Variants in ARHGAP32 observed in about 807,000 individuals in gnomAD.
The protein encoded by ARHGAP32 is Rho GTPase activating protein 32.
ARHGAP32 carries 51 observed loss-of-function variants against 186.5 expected under a neutral mutation model. That is an observed-to-expected ratio of 0.27 (90% confidence interval 0.22 to 0.35). ARHGAP32 has a LOEUF of 0.35. ARHGAP32 is among the 10% of genes least tolerant of loss of function. ARHGAP32 has a pLI of 1.00. For missense variants in ARHGAP32, 2,186 were observed against 2,623.5 expected (o/e 0.83, Z 3.64); for synonymous variants, 950 against 964.3 (o/e 0.99, Z 0.27).
chr11:128,991,618 G>A (rs1344405843), intron 12 of ARHGAP32, among the ~76,000 whole-genome samples: 1 of 152,082 alleles, frequency 6.6e-6, no homozygotes, highest in African/African-American at 2.4e-5. Context: ...AGCGAATAAT[G>A]ACCCAGTCAA....
At chr11:129,266,676 T>G (rs757784379) in intron 1 of ARHGAP32, among the ~76,000 whole-genome samples, 1 of 152,196 alleles carries the variant, frequency 6.6e-6, no homozygotes, top group African/African-American at 2.4e-5. Context: ...TTTACTTGCA[T>G]AGAACAGTAC....
intron 2 of ARHGAP32, among the ~76,000 whole-genome samples, chr11:129,141,137 G>A (rs971786072): frequency 6.6e-6 from 1 of 152,152 alleles, no homozygotes; most frequent in Non-Finnish European, 1.5e-5. Context: ...ATTGTATATT[G>A]TCCATAATTA....
chr11:129,251,949 G>T (rs1328607145), intron 1 of ARHGAP32, among the ~76,000 whole-genome samples: 1 of 119,860 alleles, frequency 8.3e-6, no homozygotes, highest in Non-Finnish European at 1.8e-5. Flanking sequence ...AAAAAAAAAA[G>T]TACCATTACC....
chr11:129,109,340 T>G (rs1942140389), intron 5 of ARHGAP32, among the ~76,000 whole-genome samples: 1 of 152,120 alleles, frequency 6.6e-6, no homozygotes. Context: ...TCTTTGTTAT[T>G]GGATTCCATA....
At position 129,179,409 on chromosome 11, in the gene ARHGAP32, A is replaced by G. The variant is rs1323598919; in HGVS notation, c.116+12674T>C. 2.1e-4 allele frequency among the ~76,000 whole-genome samples: 32 copies of G among 152,282 alleles called. No homozygotes were observed. The South Asian group carries it at 4.6e-3, about 22-fold the overall frequency. On this transcript the variant is annotated intron_variant, in intron 1 of 22. Transcript: ENST00000682385. ...GGCCATTCCTCAGGGATCTAGAACT[A>G]GAAATACCATTTGACCCAGCCATCC...
chr11:129,128,706 G>A (rs910386613), intron 2 of ARHGAP32, among the ~76,000 whole-genome samples: 2 of 151,772 alleles, frequency 1.3e-5, no homozygotes, highest in African/African-American at 4.8e-5. Flanking sequence ...GCCTCAGCCT[G>A]CAGAGTGCCT....
intron 11 of ARHGAP32, among the ~76,000 whole-genome samples, chr11:129,031,282 T>G (rs1264205439): frequency 1.3e-5 from 2 of 152,200 alleles, no homozygotes; most frequent in Non-Finnish European, 2.9e-5. Context: ...CAGTTGACAT[T>G]CACTAAGTAT....
At chr11:129,138,249 A>C (rs1942975668) in intron 2 of ARHGAP32, among the ~76,000 whole-genome samples, 1 of 150,606 alleles carries the variant, frequency 6.6e-6, no homozygotes, top group Non-Finnish European at 1.5e-5. Context: ...TCTGAGATCT[A>C]TAGTTTACCA....
At chr11:129,055,988 A>T (rs1940237275) in intron 10 of ARHGAP32, among the ~76,000 whole-genome samples, 2 of 152,176 alleles carry the variant, frequency 1.3e-5, no homozygotes, top group Admixed American at 1.3e-4. Flanking sequence ...TTGTTTCAAC[A>T]GTTGCAAGGT....
At chr11:128,981,108 T>A (rs1423355587) in intron 17 of ARHGAP32, among the ~76,000 whole-genome samples, 1 of 152,220 alleles carries the variant, frequency 6.6e-6, no homozygotes, top group Non-Finnish European at 1.5e-5. Flanking sequence ...GATCAATCAC[T>A]CAGATATTTT....
chr11:128,984,761 T>A (rs1326553131), intron 15 of ARHGAP32, among the ~76,000 whole-genome samples: 1 of 152,142 alleles, frequency 6.6e-6, no homozygotes, highest in Non-Finnish European at 1.5e-5. Flanking sequence ...TATTAGGATA[T>A]ATATACATAT....
chr11:129,085,863 G>A (rs561969247), intron 6 of ARHGAP32, among the ~76,000 whole-genome samples: 95 of 151,850 alleles, frequency 6.3e-4, no homozygotes, highest in African/African-American at 2.0e-3. Flanking sequence ...GCGTGGTGGC[G>A]GGCGCCTGTA....
At chr11:129,251,532 C>A (rs1435124421) in intron 1 of ARHGAP32, among the ~76,000 whole-genome samples, 1 of 152,112 alleles carries the variant, frequency 6.6e-6, no homozygotes, top group Non-Finnish European at 1.5e-5. Context: ...TGACAGAAAT[C>A]TGTCTAATGA....
In ARHGAP32 at chr11:128,981,412, G is replaced by T; in HGVS notation, c.1780+4C>A. 1 of 1,595,286 alleles carries T rather than the reference G, an allele frequency of 6.3e-7. No homozygotes were observed. Among genetic ancestry groups the T allele is most frequent in the South Asian group, 1.1e-5 (1 of 89,180 alleles). ...CCTGGTAGGAAGGGCCATCGGAGCC[G>T]TACCTGCCCCCTCTTGCATGGCCAT... On this transcript the variant is annotated splice_donor_region_variant and intron_variant, in intron 17 of 22. Transcript: ENST00000682385.
At chr11:129,002,841 C>T (rs1200552710) in intron 11 of ARHGAP32, among the ~76,000 whole-genome samples, 3 of 126,446 alleles carry the variant, frequency 2.4e-5, no homozygotes, top group Non-Finnish European at 4.7e-5. Context: ...CGGAGTCTCG[C>T]TCTGTCACCC....
rs542481525 is a variant in ARHGAP32, at chr11:128,977,975, C to T, written c.2122+795G>A. On this transcript the variant is annotated intron_variant, in intron 19 of 22. Coordinates refer to ENST00000682385, the MANE Select transcript of ARHGAP32 (RefSeq NM_001378024.1). ...CAAGCGATCTTCCTGACTTGGCCTC[C>T]CAAAGTGTTGGGATTACAGGTGTAA... Among the ~76,000 whole-genome samples the T allele has an allele frequency of 3.9e-3, 586 of 151,698 alleles. 2 individuals carry two copies. The highest frequency in any genetic ancestry group is 0.014 in the African/African-American group (560 of 41,398).
chr11:129,117,895 G>A (rs1942414048), intron 5 of ARHGAP32, among the ~76,000 whole-genome samples: 1 of 151,852 alleles, frequency 6.6e-6, no homozygotes, highest in Non-Finnish European at 1.5e-5. Flanking sequence ...TTTGTGAAAT[G>A]TGAATTAACC....
chr11:129,163,707 C>A (rs1943575780), intron 2 of ARHGAP32, among the ~76,000 whole-genome samples: 1 of 152,168 alleles, frequency 6.6e-6, no homozygotes, highest in South Asian at 2.1e-4. Context: ...TCCTCCTACT[C>A]ACAGTAACCT....
chr11:129,152,899 A>C (rs1349656032), intron 2 of ARHGAP32, among the ~76,000 whole-genome samples: 1 of 152,196 alleles, frequency 6.6e-6, no homozygotes, highest in Non-Finnish European at 1.5e-5. Flanking sequence ...CAATCAGACA[A>C]GATAATGAAA....
Sources: allele counts gnomAD v4.1 joint callset (sites outside exome capture counted in the v4.1 genomes callset), GRCh38; gene constraint gnomAD v4.1.1; transcripts MANE v1.5; gene names NCBI Gene and HGNC (gene_info 2026-07-23, HGNC 2026-07-21).